CCDC144A: variants seen among roughly 807,000 people sequenced by gnomAD.
CCDC144A encodes coiled-coil domain containing 144A, also known as coiled-coil domain-containing protein 144A.
A neutral mutation model predicts 143.8 loss-of-function variants in CCDC144A; 41 were observed. That is an observed-to-expected ratio of 0.29 (90% confidence interval 0.22 to 0.37). The LOEUF (loss-of-function observed/expected upper bound fraction) is 0.37. Ranked by LOEUF, CCDC144A falls within the 10% of genes least tolerant of loss-of-function variation. The pLI, the probability that CCDC144A is intolerant of heterozygous loss-of-function variation, is 1.00. For synonymous variants in CCDC144A, 242 were observed against 517.9 expected (o/e 0.47, Z 7.23); for missense variants, 637 against 1,488.8 (o/e 0.43, Z 9.41).
intron 8 of CCDC144A, 65 bp downstream of exon 8, chr17:16,720,723 T>G (rs1463122774): frequency 2.5e-6 from 4 of 1,576,906 alleles, no homozygotes; most frequent in Non-Finnish European, 3.4e-6. Context: ...TATACATTGC[T>G]GAGAACTGAC....
intron 8 of CCDC144A, among the ~76,000 whole-genome samples, chr17:16,722,436 C>G (rs62073715): frequency 0.094 from 14,253 of 151,986 alleles, 867 homozygotes; most frequent in Non-Finnish European, 0.13. Context: ...TCCCTGCCCC[C>G]ACACATGCAT....
intron 4 of CCDC144A, among the ~76,000 whole-genome samples, chr17:16,708,455 G>T (rs1020011941): frequency 2.0e-5 from 3 of 152,232 alleles, no homozygotes. Flanking sequence ...TGTAACACTA[G>T]AAATCGTCTG....
At chr17:16,753,429 T>G (rs1220896689) in intron 12 of CCDC144A, among the ~76,000 whole-genome samples, 2 of 52,116 alleles carry the variant, frequency 3.8e-5, no homozygotes, top group African/African-American at 2.0e-4. Context: ...TGTTTTGTAG[T>G]TTTTTTTTTT....
chr17:16,709,882 G>A (rs1912296486), intron 5 of CCDC144A, among the ~76,000 whole-genome samples: 2 of 152,140 alleles, frequency 1.3e-5, no homozygotes, highest in Admixed American at 1.3e-4. Flanking sequence ...AACTCATTTA[G>A]CCATATATCA....
chr17:16,754,626 T>C (rs1914986271), intron 12 of CCDC144A, among the ~76,000 whole-genome samples: 1 of 152,218 alleles, frequency 6.6e-6, no homozygotes, highest in Non-Finnish European at 1.5e-5. Flanking sequence ...AGATATTTGA[T>C]ATGAGCTTTT....
At chr17:16,684,291 A>G in the CCDC144A span, 5 of 782,852 alleles carry the variant, frequency 6.4e-6, no homozygotes, top group Non-Finnish European at 1.2e-5. Context: ...AGTTTACTAG[A>G]GATTAATGGT....
chr17:16,715,679 A>G (rs1912706933), intron 6 of CCDC144A, among the ~76,000 whole-genome samples: 1 of 152,188 alleles, frequency 6.6e-6, no homozygotes, highest in Admixed American at 6.5e-5. Context: ...GTTGCTTTCT[A>G]TAAGAGAGCT....
chr17:16,772,853 C>T (rs1915877015), intron 16 of CCDC144A: 2 of 1,104,642 alleles, frequency 1.8e-6, no homozygotes, highest in Non-Finnish European at 2.6e-6. Flanking sequence ...TATTTGTCTG[C>T]TTTTTCAGGT....
intron 6 of CCDC144A, among the ~76,000 whole-genome samples, chr17:16,714,464 C>T (rs1912627025): frequency 6.6e-6 from 1 of 152,144 alleles, no homozygotes; most frequent in African/African-American, 2.4e-5. Context: ...TGCAGTTGCT[C>T]TGCTAGAAAC....
At chr17:16,678,585 C>CTTTTTTT in the CCDC144A span, among the ~76,000 whole-genome samples, 6 of 136,856 alleles carry the variant, frequency 4.4e-5, no homozygotes, top group South Asian at 2.3e-4. Context: ...TTTTTCTTTT[C>CTTTTTTT]TTTTTTTTTT....
At chr17:16,717,593 C>G (rs1487356997) in intron 6 of CCDC144A, among the ~76,000 whole-genome samples, 1 of 152,112 alleles carries the variant, frequency 6.6e-6, no homozygotes, top group Admixed American at 6.5e-5. Context: ...TATATTTTGC[C>G]TCTTCTGTAA....
chr17:16,770,141 T>C (rs538309927), intron 15 of CCDC144A, among the ~76,000 whole-genome samples: 16 of 150,626 alleles, frequency 1.1e-4, no homozygotes, highest in Admixed American at 2.0e-4. Context: ...GAGTTATTTT[T>C]TTATTTTTAT....
chr17:16,769,662 G>T (rs1394131968), intron 15 of CCDC144A, among the ~76,000 whole-genome samples: 2 of 152,144 alleles, frequency 1.3e-5, no homozygotes, highest in East Asian at 3.9e-4. Flanking sequence ...TGAAAAATGG[G>T]TTCTTTATAA....
At chr17:16,762,274 A>T in intron 13 of CCDC144A, 39 bp from the exon 14 acceptor site, 1 of 1,538,624 alleles carries the variant, frequency 6.5e-7, no homozygotes, top group South Asian at 1.2e-5. Flanking sequence ...TATTCAGGTT[A>T]TAATTACTTT....
intron 12 of CCDC144A, chr17:16,746,357 TCTC>T: frequency 7.9e-7 from 1 of 1,258,348 alleles, no homozygotes; most frequent in South Asian, 1.3e-5. Flanking sequence ...CCTCCGTTCT[TCTC>T]GCTTCTCTTC....
chr17:16,704,787 C>T (rs1157767877), intron 2 of CCDC144A, among the ~76,000 whole-genome samples: 1 of 152,060 alleles, frequency 6.6e-6, no homozygotes, highest in Non-Finnish European at 1.5e-5. Context: ...ACAATACATA[C>T]ATACAATGCT....
intron 15 of CCDC144A, among the ~76,000 whole-genome samples, chr17:16,770,147 TTTA>T (rs1188985613): frequency 2.0e-5 from 3 of 151,310 alleles, no homozygotes; most frequent in Admixed American, 1.3e-4. Flanking sequence ...TTTTTTTATT[TTTA>T]TTATTATTAT....
In CCDC144A at chr17:16,743,612, C is replaced by T. The variant is rs569757563; in HGVS notation, c.3372+7969C>T. On this transcript the variant is annotated intron_variant, in intron 12 of 16. Coordinates refer to ENST00000399273, the MANE Select transcript of CCDC144A (RefSeq NM_001382000.1). ...ATATGAATTTTAGGATTGTTTTTTC[C>T]ATTTCTGTGAAGAATGTTATTGGTG... 4.1e-4 allele frequency among the ~76,000 whole-genome samples: 62 copies of T among 152,074 alleles called. 1 individual carries two copies. The highest frequency in any genetic ancestry group is 5.1e-4 in the Non-Finnish European group (35 of 67,982).
At chr17:16,714,212 C>T (rs1341947040) in intron 6 of CCDC144A, among the ~76,000 whole-genome samples, 1 of 152,190 alleles carries the variant, frequency 6.6e-6, no homozygotes, top group Non-Finnish European at 1.5e-5. Flanking sequence ...ACTCAGTCCT[C>T]AATCTTGTTT....
Sources: gnomAD v4.1 joint callset for allele counts (sites outside exome capture counted in the v4.1 genomes callset) on GRCh38, gnomAD v4.1.1 for gene constraint, MANE v1.5 for transcripts, NCBI Gene and HGNC (gene_info 2026-07-23, HGNC 2026-07-21) for gene names.